Variants in NR2F1-AS1 observed in about 807,000 individuals in gnomAD.
NR2F1-AS1 encodes the protein NR2F1 regulatory antisense RNA 1, also known as NR2F1 antisense RNA 1.
intron 1 of NR2F1-AS1, among the ~76,000 whole-genome samples, chr5:93,573,582 A>G (rs1020963116): frequency 6.6e-6 from 1 of 152,178 alleles, no homozygotes; most frequent in Non-Finnish European, 1.5e-5. Flanking sequence ...AATAAATTTA[A>G]CCAAGGCTAA....
upstream of NR2F1-AS1, chr5:93,585,086 C>T (rs1432991015): frequency 2.9e-6 from 3 of 1,017,164 alleles, no homozygotes; most frequent in Non-Finnish European, 3.5e-6. Flanking sequence ...GCAACCCCGG[C>T]GGCCCCAACC....
chr5:93,581,719 T>TCC (rs1753049524), upstream of NR2F1-AS1, among the ~76,000 whole-genome samples: 1 of 60,642 alleles, frequency 1.6e-5, no homozygotes, highest in African/African-American at 9.4e-5. Context: ...TCTCTCTCTC[T>TCC]CTCTCTCTCT....
intron 1 of NR2F1-AS1, chr5:93,569,786 G>C (rs902306406): frequency 6.6e-6 from 1 of 152,246 alleles, no homozygotes; most frequent in Non-Finnish European, 1.5e-5. Flanking sequence ...GCTTAGGCCA[G>C]TGAATCTGGA....
intron 4 of NR2F1-AS1, among the ~76,000 whole-genome samples, chr5:93,417,413 A>G (rs763833069): frequency 8.5e-5 from 13 of 152,364 alleles, no homozygotes; most frequent in Middle Eastern, 3.4e-3. Flanking sequence ...ACTAAAACAG[A>G]TAAAGAGTGC....
chr5:93,566,047 T>A (rs892268600), intron 1 of NR2F1-AS1, among the ~76,000 whole-genome samples: 16 of 151,750 alleles, frequency 1.1e-4, no homozygotes, highest in African/African-American at 3.9e-4. Context: ...TTGTTTTTAT[T>A]GAAACAAATA....
At chr5:93,581,447 G>A (rs1300893597), upstream of NR2F1-AS1, 1 of 152,160 alleles carries the variant, frequency 6.6e-6, no homozygotes, top group African/African-American at 2.4e-5. Context: ...AAAATCCATT[G>A]AAAGAATTTT....
At chr5:93,493,212 C>T (rs966608836) in intron 4 of NR2F1-AS1, among the ~76,000 whole-genome samples, 2 of 151,978 alleles carry the variant, frequency 1.3e-5, no homozygotes, top group Non-Finnish European at 2.9e-5. Flanking sequence ...ATAAGATCAA[C>T]ACACAAAAAT....
intron 4 of NR2F1-AS1, among the ~76,000 whole-genome samples, chr5:93,515,900 A>G (rs1751392191): frequency 1.3e-5 from 2 of 152,012 alleles, no homozygotes; most frequent in Admixed American, 6.6e-5. Context: ...TCCCTTATCA[A>G]TATCTACAAC....
At chr5:93,414,870 C>T (rs1021898146) in intron 4 of NR2F1-AS1, among the ~76,000 whole-genome samples, 2 of 151,980 alleles carry the variant, frequency 1.3e-5, no homozygotes, top group African/African-American at 2.4e-5. Context: ...CATTAGGCCC[C>T]AGCAACATGC....
At chr5:93,511,990 T>C (rs1751305025) in intron 4 of NR2F1-AS1, among the ~76,000 whole-genome samples, 1 of 152,106 alleles carries the variant, frequency 6.6e-6, no homozygotes, top group Non-Finnish European at 1.5e-5. Context: ...TTGATAATGA[T>C]AATAAATGAC....
intron 4 of NR2F1-AS1, among the ~76,000 whole-genome samples, chr5:93,494,659 G>A (rs894370383): frequency 7.9e-5 from 12 of 152,170 alleles, no homozygotes; most frequent in Non-Finnish European, 1.6e-4. Flanking sequence ...TAAGAACCCT[G>A]GTAACTTCCT....
chr5:93,519,959 T>A (rs1751470507), intron 4 of NR2F1-AS1, among the ~76,000 whole-genome samples: 1 of 152,008 alleles, frequency 6.6e-6, no homozygotes, highest in Non-Finnish European at 1.5e-5. Context: ...AAAAATCCTC[T>A]CTATTTATGG....
At chr5:93,470,379 C>A (rs959585403) in intron 4 of NR2F1-AS1, among the ~76,000 whole-genome samples, 1 of 151,892 alleles carries the variant, frequency 6.6e-6, no homozygotes, top group Non-Finnish European at 1.5e-5. Context: ...TTAAAAATAA[C>A]TAAACAAAAT....
At chr5:93,413,165 A>C (rs1748895681) in intron 4 of NR2F1-AS1, among the ~76,000 whole-genome samples, 1 of 150,208 alleles carries the variant, frequency 6.7e-6, no homozygotes, top group Non-Finnish European at 1.5e-5. Flanking sequence ...TCTACAGTAA[A>C]TGTCTAAACT....
At chr5:93,570,862 C>T (rs530148611) in intron 1 of NR2F1-AS1, 14 of 152,360 alleles carry the variant, frequency 9.2e-5, no homozygotes, top group Non-Finnish European at 1.8e-4. Context: ...CCGGGATCCG[C>T]TCCCTGCGGG....
chr5:93,511,131 G>C lies in NR2F1-AS1; in HGVS notation n.638+42630C>G, dbSNP rs376949895. On this transcript the variant is annotated intron_variant and non_coding_transcript_variant, in intron 4 of 5. Transcript: ENST00000660523. ...TGCTAAGATTAAACATTGCTTCTGA[G>C]TGTGTCTGTGAGGGCATTTCTAGAT... Among the ~76,000 whole-genome samples, 3 of 152,232 alleles carry C rather than the reference G, an allele frequency of 2.0e-5. No individual in the cohort carries two copies. In the South Asian group the frequency reaches 6.2e-4, roughly 32 times the overall value.
At chr5:93,585,108 G>A (rs1753205770), upstream of NR2F1-AS1, 1 of 995,554 alleles carries the variant, frequency 1.0e-6, no homozygotes, top group Non-Finnish European at 1.2e-6. Context: ...CGCAGCGCAG[G>A]CGGCCCGCGG....
At chr5:93,536,419 G>A (rs1458578415) in intron 4 of NR2F1-AS1, among the ~76,000 whole-genome samples, 1 of 151,832 alleles carries the variant, frequency 6.6e-6, no homozygotes, top group African/African-American at 2.4e-5. Flanking sequence ...CATTTTTCAT[G>A]GAAATAGAAA....
At position 93,502,087 on chromosome 5, in the gene NR2F1-AS1, G is replaced by A. The variant is rs1405269526; in HGVS notation, n.638+51674C>T. Among the ~76,000 whole-genome samples the A allele has an allele frequency of 2.0e-5, 3 of 152,158 alleles. No homozygotes were observed. The East Asian group carries it at 5.8e-4, about 29-fold the overall frequency. Reference sequence around the variant, plus strand: ...ATAATGTATTTTTAAATTAAAGTATGTAAACTGTTTTTTTAGACATAATGT... The same window carrying A: ...ATAATGTATTTTTAAATTAAAGTATATAAACTGTTTTTTTAGACATAATGT... On this transcript the variant is annotated intron_variant and non_coding_transcript_variant, in intron 4 of 5. Coordinates refer to ENST00000660523, the Ensembl canonical transcript of NR2F1-AS1.
Sources: allele counts gnomAD v4.1 joint callset (sites outside exome capture counted in the v4.1 genomes callset), GRCh38; gene constraint gnomAD v4.1.1; transcripts MANE v1.5; gene names NCBI Gene and HGNC (gene_info 2026-07-23, HGNC 2026-07-21).